The following DIAPH3 variants were observed in gnomAD, a reference collection of about 807,000 sequenced individuals.
DIAPH3 encodes diaphanous related formin 3.
Under a neutral mutation model 144.3 loss-of-function variants are expected in DIAPH3, and 117 were observed. The observed-to-expected ratio is 0.81, with a 90% CI of 0.70 to 0.95. The LOEUF (loss-of-function observed/expected upper bound fraction) is 0.95, where lower values mean the gene tolerates loss of function less well. Ranked by LOEUF, DIAPH3 falls within the 40% of genes least tolerant of loss-of-function variation. The pLI, the probability that DIAPH3 is intolerant of heterozygous loss-of-function variation, is 0.00. For missense variants in DIAPH3, 1,421 were observed against 1,412.7 expected (o/e 1.01, Z -0.09); for synonymous variants, 519 against 488.9 (o/e 1.06, Z -0.81).
intron 20 of DIAPH3, among the ~76,000 whole-genome samples, chr13:59,891,105 G>A (rs1323445910): frequency 6.6e-6 from 1 of 151,910 alleles, no homozygotes; most frequent in Non-Finnish European, 1.5e-5. Context: ...CAAGAGTATA[G>A]GTAAAGCAAA....
intron 5 of DIAPH3, among the ~76,000 whole-genome samples, chr13:60,040,886 T>A (rs1384185371): frequency 6.6e-6 from 1 of 152,176 alleles, no homozygotes; most frequent in Non-Finnish European, 1.5e-5. Flanking sequence ...CGATGCCAGC[T>A]CACTGCAATC....
chr13:59,751,898 C>T (rs2037026959), intron 27 of DIAPH3, among the ~76,000 whole-genome samples: 1 of 152,186 alleles, frequency 6.6e-6, no homozygotes, highest in Non-Finnish European at 1.5e-5. Context: ...TAAATTGGTC[C>T]AGTGCCACTC....
chr13:59,804,004 A>G (rs1166663741), intron 25 of DIAPH3, among the ~76,000 whole-genome samples: 2 of 152,180 alleles, frequency 1.3e-5, no homozygotes, highest in African/African-American at 4.8e-5. Flanking sequence ...TGTTTGTGCC[A>G]CTCCTAAAAC....
chr13:60,052,969 A>AAAAAAAAAAAG (rs2056411834), intron 4 of DIAPH3, among the ~76,000 whole-genome samples: 1 of 146,990 alleles, frequency 6.8e-6, no homozygotes, highest in Non-Finnish European at 1.5e-5. Flanking sequence ...TAAAAAAAAA[A>AAAAAAAAAAAG]AAAAAAAAAA....
intron 9 of DIAPH3, 55 bp downstream of exon 9, chr13:60,008,489 G>C (rs775539388): frequency 8.5e-7 from 1 of 1,182,250 alleles, no homozygotes; most frequent in Non-Finnish European, 1.3e-6. Context: ...TCATAAAACC[G>C]TTAAAAGTAA....
At chr13:59,667,016 G>A (rs1372505633) in intron 27 of DIAPH3, among the ~76,000 whole-genome samples, 170 bp from the exon 28 acceptor site, 1 of 151,970 alleles carries the variant, frequency 6.6e-6, no homozygotes, top group Non-Finnish European at 1.5e-5. Context: ...AATCACACAG[G>A]GGTTTAAGAA....
intron 2 of DIAPH3, among the ~76,000 whole-genome samples, chr13:60,115,678 T>C (rs1208964987): frequency 6.6e-6 from 1 of 152,056 alleles, no homozygotes; most frequent in Non-Finnish European, 1.5e-5. Flanking sequence ...TAATTTTAAC[T>C]TTTTTTATAA....
chr13:59,826,247 G>T (rs540752398), intron 24 of DIAPH3, among the ~76,000 whole-genome samples: 1 of 111,596 alleles, frequency 9.0e-6, no homozygotes, highest in Non-Finnish European at 2.0e-5. Flanking sequence ...AATTGTCCCT[G>T]TTTGCAGATG....
intron 8 of DIAPH3, among the ~76,000 whole-genome samples, chr13:60,010,010 T>A (rs890771227): frequency 1.3e-5 from 2 of 152,226 alleles, no homozygotes; most frequent in Non-Finnish European, 2.9e-5. Flanking sequence ...TCCTAACAAA[T>A]GTGGTTAAGT....
At chr13:60,114,266 G>A (rs1467302830) in intron 2 of DIAPH3, among the ~76,000 whole-genome samples, 4 of 136,128 alleles carry the variant, frequency 2.9e-5, no homozygotes, top group Non-Finnish European at 3.2e-5. Flanking sequence ...CAAAGTCACA[G>A]ATTAAGAAAA....
In DIAPH3 at chr13:59,939,835, CGTGTGTGTGTGT is replaced by C. The variant is rs3220859; in HGVS notation, c.2075-14977_2075-14966del. 1.3e-4 allele frequency among the ~76,000 whole-genome samples: 19 copies of C among 146,760 alleles called. No homozygotes were observed. In the South Asian group the frequency reaches 3.1e-3, roughly 24 times the overall value. ...ATATGTATCTACAGGGAGAATGAGG[CGTGTGTGTGTGT>C]GTGTGTGTGTGTGTGTGTGTGTGTA... On this transcript the variant is annotated intron_variant, in intron 17 of 27. Transcript: ENST00000400324.
intron 25 of DIAPH3, among the ~76,000 whole-genome samples, chr13:59,783,366 T>C (rs571989141): frequency 2.6e-5 from 4 of 152,306 alleles, no homozygotes; most frequent in Non-Finnish European, 4.4e-5. Context: ...TGTTTGATGA[T>C]AGAATGAGTT....
chr13:59,704,023 C>T (rs1191233882), intron 27 of DIAPH3, among the ~76,000 whole-genome samples: 1 of 152,168 alleles, frequency 6.6e-6, no homozygotes, highest in Non-Finnish European at 1.5e-5. Context: ...TGCTCTATTT[C>T]CTAGGGCACA....
chr13:59,801,555 G>A (rs910862394), intron 25 of DIAPH3, among the ~76,000 whole-genome samples: 6 of 152,128 alleles, frequency 3.9e-5, no homozygotes, highest in African/African-American at 1.4e-4. Flanking sequence ...ATTATTATTG[G>A]AAGTTCTATG....
rs918806194 is a variant in DIAPH3, at chr13:60,152,507, A to T, written c.180+11080T>A. On this transcript the variant is annotated intron_variant, in intron 1 of 27. Transcript: ENST00000400324. ...GGAAAGATATATATATATATATATA[A>T]ATTGGAACCCTAAAAAAATCAAAAT... Among the ~76,000 whole-genome samples the T allele has an allele frequency of 1.2e-4, 18 of 148,072 alleles. No homozygotes were observed. In the South Asian group the frequency reaches 1.7e-3, roughly 14 times the overall value.
At chr13:59,917,889 C>CAAAAAAAAAAAAAAAAAAAAAAAAA (rs60792156) in intron 18 of DIAPH3, among the ~76,000 whole-genome samples, 1 of 18,642 alleles carries the variant, frequency 5.4e-5, no homozygotes, top group African/African-American at 1.6e-4. Flanking sequence ...GACTCTGTCT[C>CAAAAAAAAAAAAAAAAAAAAAAAAA]AAAAAAAAAA....
chr13:59,912,742 G>T (rs2047053574), intron 19 of DIAPH3, among the ~76,000 whole-genome samples: 1 of 152,104 alleles, frequency 6.6e-6, no homozygotes, highest in Admixed American at 6.5e-5. Context: ...GCCCAAAGTT[G>T]AATACAAACT....
intron 20 of DIAPH3, among the ~76,000 whole-genome samples, chr13:59,901,751 A>AATG (rs2046446147): frequency 6.6e-6 from 1 of 152,240 alleles, no homozygotes; most frequent in Admixed American, 6.5e-5. Flanking sequence ...TTTATCAGAC[A>AATG]ATGGTACAGT....
At chr13:60,003,106 C>G (rs1312700256) in intron 9 of DIAPH3, among the ~76,000 whole-genome samples, 1 of 152,104 alleles carries the variant, frequency 6.6e-6, no homozygotes, top group Non-Finnish European at 1.5e-5. Flanking sequence ...CCTGGGGCAA[C>G]TGTGGCAGAA....
Sources: gnomAD v4.1 joint callset for allele counts (sites outside exome capture counted in the v4.1 genomes callset) on GRCh38, gnomAD v4.1.1 for gene constraint, MANE v1.5 for transcripts, NCBI Gene and HGNC (gene_info 2026-07-23, HGNC 2026-07-21) for gene names.